The following SMAD2 variants were observed in gnomAD, a reference collection of about 807,000 sequenced individuals.
SMAD2 encodes SMAD family member 2, also known as MAD homolog 2.
A neutral mutation model predicts 64.4 loss-of-function variants in SMAD2; 8 were observed. The ratio of observed to expected loss-of-function variants is 0.12; its 90% confidence interval spans 0.07 to 0.22. SMAD2 has a LOEUF of 0.22. Among genes scored for constraint, SMAD2 ranks in the 10% least tolerant of loss-of-function variants. The pLI, the probability that SMAD2 is intolerant of heterozygous loss-of-function variation, is 1.00. For missense variants in SMAD2, 289 were observed against 561.2 expected (o/e 0.51, Z 4.90); for synonymous variants, 203 against 195.8 (o/e 1.04, Z -0.31).
intron 1 of SMAD2, among the ~76,000 whole-genome samples, chr18:47,918,181 T>C (rs1359288725): frequency 6.6e-6 from 1 of 152,212 alleles, no homozygotes; most frequent in Non-Finnish European, 1.5e-5. Flanking sequence ...ATCCTCTGCC[T>C]CAACGTTTAC....
chr18:47,919,468 ATACACACACAC>A (rs749548574), intron 1 of SMAD2, among the ~76,000 whole-genome samples: 4 of 77,352 alleles, frequency 5.2e-5, no homozygotes, highest in South Asian at 4.7e-4. Flanking sequence ...AAAAAAAAAA[ATACACACACAC>A]ACACACACAC....
intron 8 of SMAD2, among the ~76,000 whole-genome samples, chr18:47,846,016 TACTG>T (rs995387781): frequency 4.6e-5 from 7 of 152,170 alleles, no homozygotes; most frequent in Non-Finnish European, 1.0e-4. Context: ...AATACATGTG[TACTG>T]ACTGAAAGTA....
In SMAD2 at chr18:47,831,059, C is replaced by G. The variant is rs866284253; in HGVS notation, c.*10768G>C. ...GTTATGGCTTGTAATCTCAGAACCA[C>G]TGCCCCCAAATGACTGCTCAGAAGC... is the stretch of plus-strand genomic sequence containing the variant. On this transcript the variant is annotated 3_prime_UTR_variant, in exon 11 of 11. Transcript: ENST00000262160. The G allele has an allele frequency of 1.3e-5, 2 of 152,356 alleles. No individual in the cohort carries two copies. The highest frequency in any genetic ancestry group is 2.9e-5 in the Non-Finnish European group (2 of 68,162). 9.4% of individuals were successfully genotyped at this position (152,356 alleles called of 1,614,324 possible).
intron 1 of SMAD2, among the ~76,000 whole-genome samples, chr18:47,929,376 G>A (rs1396036508): frequency 6.6e-6 from 1 of 152,198 alleles, no homozygotes; most frequent in Non-Finnish European, 1.5e-5. Context: ...TATGAAGTCA[G>A]AAGAGAGAAA....
At chr18:47,850,405 ATGTATAATATATATAATATAT>A (rs1915175241) in intron 7 of SMAD2, among the ~76,000 whole-genome samples, 2 of 17,336 alleles carry the variant, frequency 1.2e-4, no homozygotes, top group Non-Finnish European at 1.9e-4. Context: ...ATTATATATT[ATGTATAATATATATAATATAT>A]TATATATATT....
intron 2 of SMAD2, among the ~76,000 whole-genome samples, chr18:47,871,485 T>G (rs2031928144): frequency 6.6e-6 from 1 of 152,222 alleles, no homozygotes; most frequent in Non-Finnish European, 1.5e-5. Context: ...AGCGCTGGCT[T>G]CCTGTGGCCA....
At chr18:47,863,733 T>A (rs560338115) in intron 6 of SMAD2, among the ~76,000 whole-genome samples, 1 of 152,324 alleles carries the variant, frequency 6.6e-6, no homozygotes, top group East Asian at 1.9e-4. Context: ...CTTTGAATAT[T>A]AAGAATAATG....
chr18:47,849,614 T>C (rs989886280), intron 7 of SMAD2, among the ~76,000 whole-genome samples: 9 of 152,092 alleles, frequency 5.9e-5, no homozygotes, highest in African/African-American at 2.2e-4. Flanking sequence ...AGTATTTCCA[T>C]GTAACTTAAA....
intron 1 of SMAD2, among the ~76,000 whole-genome samples, chr18:47,927,282 C>G (rs971296795): frequency 6.7e-6 from 1 of 148,754 alleles, no homozygotes; most frequent in South Asian, 2.2e-4. Flanking sequence ...GTGCCAAGGT[C>G]CCCCCAAAAT....
At chr18:47,899,608 C>A (rs2033598964) in intron 1 of SMAD2, among the ~76,000 whole-genome samples, 1 of 152,248 alleles carries the variant, frequency 6.6e-6, no homozygotes, top group East Asian at 1.9e-4. Flanking sequence ...TTGTGTTGCA[C>A]ATAACAATCT....
chr18:47,929,900 C>T (rs1236819739), intron 1 of SMAD2, among the ~76,000 whole-genome samples: 2 of 152,036 alleles, frequency 1.3e-5, no homozygotes, highest in African/African-American at 4.8e-5. Context: ...GAAGGATGAT[C>T]ACAGAGTTAT....
intron 6 of SMAD2, among the ~76,000 whole-genome samples, chr18:47,852,123 GTTCTT>G (rs1339787170): frequency 6.6e-6 from 1 of 152,084 alleles, no homozygotes; most frequent in African/African-American, 2.4e-5. Context: ...GTGATAGTCT[GTTCTT>G]TTCTTTTGCG....
At chr18:47,870,118 G>T (rs1351336859) in intron 3 of SMAD2, among the ~76,000 whole-genome samples, 1 of 152,030 alleles carries the variant, frequency 6.6e-6, no homozygotes, top group Non-Finnish European at 1.5e-5. Flanking sequence ...ATAAAGATGA[G>T]ATTCTGATAA....
intron 2 of SMAD2, among the ~76,000 whole-genome samples, chr18:47,891,899 T>C (rs1326282139): frequency 3.9e-5 from 6 of 152,122 alleles, no homozygotes; most frequent in Non-Finnish European, 5.9e-5. Flanking sequence ...CTTTTATATA[T>C]AAATACTAGA....
intron 2 of SMAD2, among the ~76,000 whole-genome samples, chr18:47,886,512 A>G (rs1006624524): frequency 6.6e-6 from 1 of 152,076 alleles, no homozygotes; most frequent in African/African-American, 2.4e-5. Flanking sequence ...ACCTTCTTTC[A>G]TTGCCCCCAA....
intron 8 of SMAD2, 132 bp downstream of exon 8, chr18:47,848,343 T>C: frequency 1.4e-6 from 1 of 715,164 alleles, no homozygotes; most frequent in Admixed American, 2.0e-5. Context: ...TGCACTTAAA[T>C]GTGTCGGCAC....
chr18:47,847,056 A>G (rs1914565266), intron 8 of SMAD2, among the ~76,000 whole-genome samples: 1 of 152,216 alleles, frequency 6.6e-6, no homozygotes, highest in Non-Finnish European at 1.5e-5. Context: ...CTATAAAACT[A>G]GAAATAAAAA....
intron 2 of SMAD2, among the ~76,000 whole-genome samples, chr18:47,887,591 C>T (rs1014318624): frequency 7.6e-4 from 115 of 152,274 alleles, no homozygotes; most frequent in African/African-American, 2.7e-3. Flanking sequence ...AAGCCAACTT[C>T]AACTATTATG....
chr18:47,874,741 GAC>G (rs1382530110), intron 2 of SMAD2, among the ~76,000 whole-genome samples: 1 of 152,048 alleles, frequency 6.6e-6, no homozygotes, highest in Non-Finnish European at 1.5e-5. Context: ...TATGCATAAA[GAC>G]ACACATACAT....
Sources: gnomAD v4.1 joint callset for allele counts (sites outside exome capture counted in the v4.1 genomes callset) on GRCh38, gnomAD v4.1.1 for gene constraint, MANE v1.5 for transcripts, NCBI Gene and HGNC (gene_info 2026-07-23, HGNC 2026-07-21) for gene names.